The following NCOR1 variants were observed in gnomAD, a reference collection of about 807,000 sequenced individuals.
NCOR1 encodes the protein protein phosphatase 1, regulatory subunit 109.
In NCOR1, 63 loss-of-function variants were observed where a neutral mutation model predicts 288.1. That is an observed-to-expected ratio of 0.22 (90% CI 0.18 to 0.27). The LOEUF (loss-of-function observed/expected upper bound fraction) is 0.27. Ranked by LOEUF, NCOR1 falls within the 10% of genes least tolerant of loss-of-function variation. The probability of loss-of-function intolerance (pLI) is 1.00; values close to 1 mark genes in which losing one functional copy is unlikely to be tolerated. For synonymous variants in NCOR1, 1,007 were observed against 1,065.9 expected (o/e 0.94, Z 1.08); for missense variants, 2,397 against 3,019.2 (o/e 0.79, Z 4.83).
At chr17:16,077,171 C>T (rs554927502) in intron 26 of NCOR1, among the ~76,000 whole-genome samples, 25 of 152,008 alleles carry the variant, frequency 1.6e-4, no homozygotes, top group African/African-American at 5.5e-4. Flanking sequence ...CCAAGACGGG[C>T]GGATCACCTG....
At chr17:16,188,859 T>C (rs931301388) in intron 2 of NCOR1, among the ~76,000 whole-genome samples, 3 of 151,426 alleles carry the variant, frequency 2.0e-5, no homozygotes, top group Non-Finnish European at 4.4e-5. Context: ...ACCCCATCTC[T>C]ACTAAAAATA....
At chr17:16,204,461 A>G (rs2091247327) in intron 1 of NCOR1, among the ~76,000 whole-genome samples, 1 of 152,096 alleles carries the variant, frequency 6.6e-6, no homozygotes, top group Non-Finnish European at 1.5e-5. Flanking sequence ...AAAGGCATGC[A>G]GTTAAAAAGT....
rs1971807142 is a variant in NCOR1 at position 16,030,232 on chromosome 17, G to T, written c.*2064C>A. The T allele has an allele frequency of 4.4e-6, 1 of 228,296 alleles. No individual in the cohort carries two copies. Among genetic ancestry groups the T allele is most frequent in the East Asian group, 6.5e-5 (1 of 15,450 alleles). The allele number at this position is 228,296 out of a possible 1,614,324, so 14.1% of individuals were successfully genotyped here. ...TAAGTGGAAGTGGATCATCATGAAG[G>T]TCTTCATCCTTGTCATCTTCATGTT... On this transcript the variant is annotated 3_prime_UTR_variant, in exon 46 of 46. Transcript: ENST00000268712.
chr17:16,106,738 C>CTA (rs1276685497), intron 19 of NCOR1, among the ~76,000 whole-genome samples: 1 of 151,028 alleles, frequency 6.6e-6, no homozygotes, highest in Non-Finnish European at 1.5e-5. Context: ...CCAAATGAAG[C>CTA]TAAGTCAACA....
chr17:16,175,134 G>A (rs891677467), intron 3 of NCOR1, among the ~76,000 whole-genome samples: 5 of 149,774 alleles, frequency 3.3e-5, no homozygotes, highest in Non-Finnish European at 7.4e-5. Flanking sequence ...TTGGGAGGCC[G>A]AGTAAGTGCA....
intron 14 of NCOR1, among the ~76,000 whole-genome samples, chr17:16,134,010 T>C (rs1294028544): frequency 6.6e-6 from 1 of 152,200 alleles, no homozygotes; most frequent in Non-Finnish European, 1.5e-5. Flanking sequence ...GCTTCTTCTC[T>C]TGTCTCCTTA....
At chr17:16,098,593 A>G in intron 20 of NCOR1, 97 bp from the exon 21 acceptor site, 1 of 1,044,878 alleles carries the variant, frequency 9.6e-7, no homozygotes, top group Non-Finnish European at 1.4e-6. Context: ...GTACATACAC[A>G]TGCACACATG....
intron 1 of NCOR1, among the ~76,000 whole-genome samples, chr17:16,202,880 C>T (rs1349237116): frequency 2.0e-5 from 3 of 152,152 alleles, no homozygotes; most frequent in Non-Finnish European, 4.4e-5. Flanking sequence ...ATGCTCTTAG[C>T]CTACTTTATT....
chr17:16,167,149 G>T (rs1350687621), intron 4 of NCOR1, among the ~76,000 whole-genome samples: 2 of 152,134 alleles, frequency 1.3e-5, no homozygotes, highest in African/African-American at 4.8e-5. Context: ...TGCTCCTCAG[G>T]TGATTCTGAT....
rs1473386585 is a variant in NCOR1 at position 16,114,153 on chromosome 17, A to ACAAAAAC, written c.2055+3734_2055+3735insGTTTTTG. On this transcript the variant is annotated intron_variant, in intron 18 of 45. Transcript: ENST00000268712. ...CATGATGGCGGCAGGCAAAAAAAAA[A>ACAAAAAC]AAAAAAAAAAAAAAAACTTGTGCAG... Among the ~76,000 whole-genome samples the ACAAAAAC allele has an allele frequency of 1.5e-5, 2 of 133,292 alleles. 1 individual carries two copies. The highest frequency in any genetic ancestry group is 3.4e-5 in the Non-Finnish European group (2 of 58,050). The allele number at this position is 133,292 out of a possible 152,430, so 87.4% of individuals were successfully genotyped here.
intron 3 of NCOR1, among the ~76,000 whole-genome samples, chr17:16,179,523 G>A (rs2084934126): frequency 6.6e-6 from 1 of 152,124 alleles, no homozygotes; most frequent in Non-Finnish European, 1.5e-5. Flanking sequence ...CTTCATGGCA[G>A]AATTCTACTG....
At chr17:16,138,256 T>G in intron 12 of NCOR1, 44 bp from the exon 13 acceptor site, 1 of 1,502,314 alleles carries the variant, frequency 6.7e-7, no homozygotes, top group Non-Finnish European at 9.1e-7. Flanking sequence ...TACAAATATT[T>G]CAACAACTAA....
In NCOR1 at chr17:16,067,880, T is replaced by C. The variant is rs771651691; in HGVS notation, c.4741+14A>G. On this transcript the variant is annotated intron_variant, in intron 32 of 45. Coordinates refer to ENST00000268712, the MANE Select transcript of NCOR1 (RefSeq NM_006311.4). ...ATTTATTTGCCATAAATTATCACTATATTTTGTGTTTACCAGGATCCAAAG... is the reference window on the plus strand; with the variant it reads ...ATTTATTTGCCATAAATTATCACTACATTTTGTGTTTACCAGGATCCAAAG... 2.6e-5 allele frequency: 42 copies of C among 1,601,768 alleles called. No homozygotes were observed. In the South Asian group the frequency reaches 4.5e-4, roughly 17 times the overall value.
At chr17:16,213,045 A>C (rs1245255957) in intron 1 of NCOR1, among the ~76,000 whole-genome samples, 1 of 140,516 alleles carries the variant, frequency 7.1e-6, no homozygotes, top group Non-Finnish European at 1.6e-5. Context: ...TGGGCAAAAG[A>C]GACCCTGTCT....
At chr17:16,033,136 G>A (rs1345247642) in intron 45 of NCOR1, among the ~76,000 whole-genome samples, 2 of 151,996 alleles carry the variant, frequency 1.3e-5, no homozygotes, top group African/African-American at 2.4e-5. Context: ...ACCTGAGGTC[G>A]GGAGTTCAAG....
intron 14 of NCOR1, among the ~76,000 whole-genome samples, chr17:16,127,462 CGTGT>C (rs1305419401): frequency 7.3e-6 from 1 of 137,576 alleles, no homozygotes; most frequent in African/African-American, 2.7e-5. Context: ...TGTATATATA[CGTGT>C]ATGTGTATAT....
chr17:16,071,988 A>G (rs1409982519), intron 29 of NCOR1, among the ~76,000 whole-genome samples, 157 bp downstream of exon 29: 2 of 152,206 alleles, frequency 1.3e-5, no homozygotes, highest in East Asian at 3.8e-4. Context: ...TCTTCCAATA[A>G]ATTATGTAGC....
rs116231848 is a variant in NCOR1 at position 16,074,600 on chromosome 17, T to A, written c.3670+934A>T. ...GCATTTTGCAGCATCTGGCACTATG[T>A]ACGCACATACTTTATTTCTTTGTAT... On this transcript the variant is annotated intron_variant, in intron 27 of 45. Transcript: ENST00000268712. 1.2e-3 allele frequency among the ~76,000 whole-genome samples: 177 copies of A among 152,348 alleles called. 1 individual carries two copies. Among genetic ancestry groups the A allele is most frequent in the African/African-American group, 4.1e-3 (169 of 41,574 alleles).
At chr17:16,062,005 T>C (rs1374466750) in intron 36 of NCOR1, 100 bp downstream of exon 36, 1 of 1,573,108 alleles carries the variant, frequency 6.4e-7, no homozygotes, top group African/African-American at 1.4e-5. Flanking sequence ...CTTCATGGCA[T>C]GGGCAGAAAA....
Sources: gnomAD v4.1 joint callset for allele counts (sites outside exome capture counted in the v4.1 genomes callset) on GRCh38, gnomAD v4.1.1 for gene constraint, MANE v1.5 for transcripts, NCBI Gene and HGNC (gene_info 2026-07-23, HGNC 2026-07-21) for gene names.